PUDP: variants seen among roughly 807,000 people sequenced by gnomAD.
The protein encoded by PUDP is pseudouridine 5'-phosphatase, also known as pseudouridine-5'-phosphatase.
PUDP carries 8 observed loss-of-function variants against 9.4 expected under a neutral mutation model. The observed-to-expected ratio is 0.85, with a 90% confidence interval of 0.50 to 1.53. PUDP has a LOEUF of 1.53. Ranked by LOEUF, PUDP falls within the 40% of genes most tolerant of loss-of-function variation. The probability of loss-of-function intolerance (pLI) is 0.00; values close to 1 mark genes in which losing one functional copy is unlikely to be tolerated. For missense variants in PUDP, 188 were observed against 189.7 expected (o/e 0.99, Z 0.05); for synonymous variants, 99 against 80.7 (o/e 1.23, Z -1.22).
In PUDP at chrX:6,983,278, TA is replaced by T. The variant is rs1269642512; in HGVS notation, c.205-4936del. Among the ~76,000 whole-genome samples, 3 of 110,892 alleles carry T rather than the reference TA, an allele frequency of 2.7e-5. No individual in the cohort carries two copies. In the Admixed American group the frequency reaches 2.9e-4, roughly 11 times the overall value. On this transcript the variant is annotated intron_variant and NMD_transcript_variant, in intron 1 of 3. Coordinates refer to the PUDP transcript ENST00000655425. ...GAGTTTTTAAGGATAATTTGGTGGG[TA>T]GGGGGACAGTGAATCGGGAGTGTTG...
At chrX:6,968,940 C>T (rs1422890699) in intron 3 of PUDP, among the ~76,000 whole-genome samples, 1 of 111,996 alleles carries the variant, frequency 8.9e-6, no homozygotes, top group Non-Finnish European at 1.9e-5. Flanking sequence ...TCTTATGTTT[C>T]CAAGGGCCTA....
At chrX:6,805,393 G>A (rs531419388) in intron 3 of PUDP, among the ~76,000 whole-genome samples, 7 of 111,667 alleles carry the variant, frequency 6.3e-5, no homozygotes, top group African/African-American at 9.8e-5. Context: ...AAGACAGTCC[G>A]CTTGAGGGTC....
intron 3 of PUDP, among the ~76,000 whole-genome samples, chrX:7,066,726 A>T (rs1458103208): frequency 9.0e-6 from 1 of 111,683 alleles, no homozygotes; most frequent in Non-Finnish European, 1.9e-5. Context: ...ACATATATGG[A>T]GACTGCAATT....
intron 3 of PUDP, among the ~76,000 whole-genome samples, chrX:7,065,794 T>C (rs918672647): frequency 1.8e-5 from 2 of 111,904 alleles, no homozygotes; most frequent in African/African-American, 6.5e-5. Flanking sequence ...TGTTATGCAA[T>C]GCAAGGTGGG....
intron 3 of PUDP, chrX:7,057,934 C>A: frequency 1.9e-6 from 1 of 513,708 alleles, no homozygotes; most frequent in South Asian, 3.1e-5. Context: ...CTCTCGTGTT[C>A]CTCCCCAGGT....
chrX:6,740,051 T>C (rs778518888), intron 3 of PUDP, among the ~76,000 whole-genome samples: 17 of 111,736 alleles, frequency 1.5e-4, no homozygotes, highest in Admixed American at 3.8e-4. Flanking sequence ...ATTTTTACTA[T>C]TCCCTATTCC....
chrX:6,789,922 T>C (rs1925714159), intron 3 of PUDP, among the ~76,000 whole-genome samples: 1 of 109,938 alleles, frequency 9.1e-6, no homozygotes, highest in Non-Finnish European at 1.9e-5. Context: ...AGACAGATGA[T>C]AGATGATAGA....
At chrX:6,795,073 A>T (rs1380379948) in intron 3 of PUDP, among the ~76,000 whole-genome samples, 2 of 109,883 alleles carry the variant, frequency 1.8e-5, no homozygotes, top group African/African-American at 6.6e-5. Context: ...TTTAAAAAAA[A>T]ACCCTAAAAC....
At chrX:6,810,344 T>C (rs1926122876) in intron 3 of PUDP, among the ~76,000 whole-genome samples, 1 of 111,514 alleles carries the variant, frequency 9.0e-6, no homozygotes, top group African/African-American at 3.3e-5. Flanking sequence ...GGGTTGCTTA[T>C]TAAGTGTAGT....
intron 3 of PUDP, among the ~76,000 whole-genome samples, chrX:6,874,051 A>C (rs898914237): frequency 9.1e-6 from 1 of 110,445 alleles, no homozygotes; most frequent in African/African-American, 3.3e-5. Flanking sequence ...GCTTAAGGCC[A>C]GGAGCTCAAG....
intron 1 of PUDP, among the ~76,000 whole-genome samples, chrX:7,121,167 G>A (rs865904012): frequency 1.8e-5 from 2 of 111,810 alleles, no homozygotes; most frequent in South Asian, 7.5e-4. Context: ...TTATTAGGTT[G>A]GGAAAAAATG....
chrX:7,105,973 A>T, intron 1 of PUDP, 135 bp from the exon 2 acceptor site: 1 of 445,931 alleles, frequency 2.2e-6, no homozygotes, highest in Admixed American at 4.4e-5. Context: ...AGTGAACAGG[A>T]GAAAGGCTTG....
chrX:6,755,375 A>G (rs1925157553), intron 3 of PUDP, among the ~76,000 whole-genome samples: 1 of 111,934 alleles, frequency 8.9e-6, no homozygotes, highest in Admixed American at 9.5e-5. Flanking sequence ...TTTATATAAC[A>G]TAAATTAATT....
intron 3 of PUDP, among the ~76,000 whole-genome samples, chrX:6,751,140 TA>T (rs1051395999): frequency 1.1e-5 from 1 of 90,140 alleles, no homozygotes. Context: ...AGAATCCGTC[TA>T]AAAAAAAGGA....
chrX:6,728,207 A>T (rs887492418), intron 3 of PUDP, among the ~76,000 whole-genome samples: 1 of 110,860 alleles, frequency 9.0e-6, no homozygotes, highest in African/African-American at 3.3e-5. Context: ...CCACAAGAAC[A>T]ACATGGAGGA....
rs991125635 is a variant in PUDP, at chrX:7,015,096, G to C, written c.205-36753C>G. Among the ~76,000 whole-genome samples the C allele has an allele frequency of 7.2e-5, 8 of 111,792 alleles. No homozygotes were observed. In the East Asian group the frequency reaches 2.2e-3, roughly 31 times the overall value. On this transcript the variant is annotated intron_variant and NMD_transcript_variant, in intron 1 of 3. Coordinates refer to the PUDP transcript ENST00000655425. ...GGCATTCCAAATTCTTGTCTGTATA[G>C]GGGCCAAGGGAAAGCTTCCCCTTCA...
At chrX:7,023,276 C>T (rs1929658652) in intron 1 of PUDP, among the ~76,000 whole-genome samples, 1 of 111,661 alleles carries the variant, frequency 9.0e-6, no homozygotes, top group African/African-American at 3.3e-5. Flanking sequence ...AAATATCTGG[C>T]GTCTTAAAAA....
chrX:6,918,487 C>T lies in PUDP; in HGVS notation c.*247+58646G>A, dbSNP rs182249861. Among the ~76,000 whole-genome samples the T allele has an allele frequency of 4.2e-4, 47 of 112,013 alleles. 1 individual carries two copies. The highest frequency in any genetic ancestry group is 1.5e-3 in the African/African-American group (47 of 30,935). ...AAAAAAAACATAATTTATACCATCA[C>T]GGCCTTCACAAATCTCCTGCCTCTA... On this transcript the variant is annotated intron_variant and NMD_transcript_variant, in intron 3 of 3. Transcript: ENST00000655425.
downstream of PUDP, among the ~76,000 whole-genome samples, chrX:7,047,955 G>A (rs772499026): frequency 2.7e-5 from 3 of 112,323 alleles, no homozygotes; most frequent in Non-Finnish European, 5.6e-5. Context: ...GCAGTGTCTA[G>A]ACACTGACTA....
Sources: allele counts gnomAD v4.1 joint callset (sites outside exome capture counted in the v4.1 genomes callset), GRCh38; gene constraint gnomAD v4.1.1; transcripts MANE v1.5; gene names NCBI Gene and HGNC (gene_info 2026-07-23, HGNC 2026-07-21).